NUP107: variants seen among roughly 807,000 people sequenced by gnomAD.
NUP107 encodes the protein nuclear pore complex protein Nup107.
Under a neutral mutation model 141.0 loss-of-function variants are expected in NUP107, and 101 were observed. That is an observed-to-expected ratio of 0.72 (90% CI 0.61 to 0.84). The LOEUF (loss-of-function observed/expected upper bound fraction) is 0.84. NUP107 is among the 40% of genes least tolerant of loss of function. NUP107 has a pLI of 0.00. For synonymous variants in NUP107, 319 were observed against 363.9 expected (o/e 0.88, Z 1.41); for missense variants, 941 against 1,102.7 (o/e 0.85, Z 2.08).
intron 7 of NUP107, among the ~76,000 whole-genome samples, chr12:68,701,142 T>C (rs1221440823): frequency 1.3e-5 from 2 of 152,182 alleles, no homozygotes; most frequent in South Asian, 2.1e-4. Context: ...TTAGACTTCA[T>C]GTAATATGGA....
At chr12:68,741,694 T>C in intron 26 of NUP107, 119 bp from the exon 27 acceptor site, 1 of 794,476 alleles carries the variant, frequency 1.3e-6, no homozygotes, top group Non-Finnish European at 2.0e-6. Context: ...CTTCATACTT[T>C]TTTGCTGTTA....
chr12:68,732,418 G>C lies in NUP107; in HGVS notation c.1999-219G>C, dbSNP rs562537183. On this transcript the variant is annotated intron_variant, in intron 22 of 27. Coordinates refer to ENST00000229179, the MANE Select transcript of NUP107 (RefSeq NM_020401.4). ...CCCAAAGTGCTGGGATTACGGGTGT[G>C]AGCCAGCATGCCCAGCAGTATTTTC... Among the ~76,000 whole-genome samples, 11 of 152,290 alleles carry C rather than the reference G, an allele frequency of 7.2e-5. No homozygotes were observed. The South Asian group carries it at 2.1e-3, about 29-fold the overall frequency.
At chr12:68,700,693 A>G (rs1261776753) in intron 6 of NUP107, 33 bp from the exon 7 acceptor site, 1 of 1,497,042 alleles carries the variant, frequency 6.7e-7, no homozygotes, top group African/African-American at 1.4e-5. Flanking sequence ...ATTGTAGAAA[A>G]TTAACCTCTT....
intron 14 of NUP107, among the ~76,000 whole-genome samples, chr12:68,720,570 A>G (rs966569872): frequency 6.6e-6 from 1 of 152,230 alleles, no homozygotes; most frequent in Non-Finnish European, 1.5e-5. Flanking sequence ...TAGAAACAGA[A>G]GGCAGAGGTG....
intron 1 of NUP107, 159 bp downstream of exon 1, chr12:68,687,232 G>C: frequency 7.6e-6 from 8 of 1,051,152 alleles, no homozygotes; most frequent in Non-Finnish European, 1.1e-5. Context: ...CACAAATGGG[G>C]AAAAAGCCGC....
chr12:68,687,018 T>C lies in NUP107; in HGVS notation c.-48T>C, dbSNP rs761465479. 2.5e-6 allele frequency: 4 copies of C among 1,613,772 alleles called. No homozygotes were observed. Among genetic ancestry groups the C allele is most frequent in the African/African-American group, 1.3e-5 (1 of 74,940 alleles). On this transcript the variant is annotated 5_prime_UTR_variant, in exon 1 of 28. Transcript: ENST00000229179. ...GGAGAGCGGGAAGGCTAAAACGCGG[T>C]AGCTAAACTGCAGCCAACTTTGGTT... is the stretch of plus-strand genomic sequence containing the variant.
intron 8 of NUP107, chr12:68,706,064 TCAA>T (rs780273814): frequency 4.7e-5 from 37 of 789,626 alleles, no homozygotes; most frequent in Non-Finnish European, 8.2e-5. Flanking sequence ...GAGAGCTACA[TCAA>T]CAAACTTCTG....
chr12:68,733,567 A>G lies in NUP107; in HGVS notation c.2217A>G (p.Glu739=). The G allele has an allele frequency of 1.9e-6, 3 of 1,612,790 alleles. No individual in the cohort carries two copies. The highest frequency in any genetic ancestry group is 1.7e-6 in the Non-Finnish European group (2 of 1,179,214). ...GAATGGAAAGTCCACTTCCTGCTGAAGATGATAATGCTATCCGAGAACATT... is the reference window on the plus strand; with the variant it reads ...GAATGGAAAGTCCACTTCCTGCTGAGGATGATAATGCTATCCGAGAACATT... ...EQGMESPLPA[E]DDNAIREHLC... The change falls in exon 24 of 28, where the codon GAA becomes GAG. Residue 739 remains glutamate, a synonymous_variant. Transcript: ENST00000229179.
intron 11 of NUP107, among the ~76,000 whole-genome samples, chr12:68,715,231 C>A (rs908661120): frequency 1.3e-5 from 2 of 152,184 alleles, no homozygotes; most frequent in African/African-American, 4.8e-5. Context: ...CGCAGTGGTT[C>A]ACGCCTGTAA....
rs1218657970 is a variant in NUP107, at chr12:68,743,152, C to T, written c.*690C>T. Reference sequence around the variant, plus strand: ...GTGGCTCACGTCTGTAACCCCAGCACTTCGGGAGGCCGAGGCAGGTGGATC... The same window carrying T: ...GTGGCTCACGTCTGTAACCCCAGCATTTCGGGAGGCCGAGGCAGGTGGATC... On this transcript the variant is annotated 3_prime_UTR_variant, in exon 28 of 28. Transcript: ENST00000229179. 1 of 152,250 alleles carries T rather than the reference C, an allele frequency of 6.6e-6. No homozygotes were observed. Among genetic ancestry groups the T allele is most frequent in the Non-Finnish European group, 1.5e-5 (1 of 68,094 alleles). The allele number at this position is 152,250 out of a possible 1,614,324, so 9.4% of individuals were successfully genotyped here. A position where few individuals can be genotyped will look rare whatever the true frequency, so the allele number is the denominator to read the frequency against.
At chr12:68,690,770 A>C (rs1875746632) in intron 4 of NUP107, 24 bp downstream of exon 4, 2 of 1,612,688 alleles carry the variant, frequency 1.2e-6, no homozygotes, top group African/African-American at 2.7e-5. Flanking sequence ...TAGGGCTAAG[A>C]ACTCCTTTTG....
chr12:68,698,643 G>T (rs1317910939), intron 6 of NUP107, among the ~76,000 whole-genome samples: 1 of 152,294 alleles, frequency 6.6e-6, no homozygotes, highest in South Asian at 2.1e-4. Context: ...AAAAAACATG[G>T]AGGAACCTTA....
At chr12:68,716,366 G>T (rs1305912513) in intron 12 of NUP107, among the ~76,000 whole-genome samples, 6 of 151,426 alleles carry the variant, frequency 4.0e-5, no homozygotes, top group Non-Finnish European at 7.4e-5. Flanking sequence ...GAGTAACTGG[G>T]ACTACAGGTA....
At chr12:68,693,812 T>G (rs1309204250) in intron 5 of NUP107, among the ~76,000 whole-genome samples, 1 of 152,186 alleles carries the variant, frequency 6.6e-6, no homozygotes, top group Non-Finnish European at 1.5e-5. Flanking sequence ...ATATTGTAAT[T>G]TTTTTCTTAT....
At chr12:68,703,590 A>C (rs968207068) in intron 8 of NUP107, among the ~76,000 whole-genome samples, 15 of 151,988 alleles carry the variant, frequency 9.9e-5, no homozygotes, top group South Asian at 4.1e-4. Context: ...AGCTGGGACT[A>C]CAGGCTTGTG....
rs1330000938 is a variant in NUP107 at position 68,697,755 on chromosome 12, C to T, written c.552+833C>T. Among the ~76,000 whole-genome samples, 6 of 152,110 alleles carry T rather than the reference C, an allele frequency of 3.9e-5. No homozygotes were observed. In the South Asian group the frequency reaches 6.2e-4, roughly 16 times the overall value. ...GCATATAAAAAATGCTTTGGCCAGACGTGGTGACTCATGCCTGTAATCCTA... is the reference window on the plus strand; with the variant it reads ...GCATATAAAAAATGCTTTGGCCAGATGTGGTGACTCATGCCTGTAATCCTA... On this transcript the variant is annotated intron_variant, in intron 6 of 27. Transcript: ENST00000229179.
intron 6 of NUP107, among the ~76,000 whole-genome samples, chr12:68,699,760 G>A (rs2546525): frequency 0.22 from 33,139 of 152,078 alleles, 4,226 homozygotes; most frequent in Middle Eastern, 0.3. Flanking sequence ...ATGAGGTACT[G>A]TTAGTAACCT....
chr12:68,745,543 T>C lies in NUP107; in HGVS notation c.*3081T>C, dbSNP rs532397522. ...TGACCTGATCCAAAACATATATATA[T>C]ATTTGTATGCACCCCTAGAGACAGC... On this transcript the variant is annotated 3_prime_UTR_variant, in exon 28 of 28. Coordinates refer to ENST00000229179, the MANE Select transcript of NUP107 (RefSeq NM_020401.4). 1.4e-4 allele frequency: 21 copies of C among 152,200 alleles called. No individual in the cohort carries two copies. The highest frequency in any genetic ancestry group is 1.6e-4 in the Non-Finnish European group (11 of 68,044). 9.4% of individuals were successfully genotyped at this position (152,200 alleles called of 1,614,324 possible). A position where few individuals can be genotyped will look rare whatever the true frequency, so the allele number is the denominator to read the frequency against.
intron 23 of NUP107, 157 bp downstream of exon 23, chr12:68,732,896 G>T: frequency 2.3e-6 from 1 of 440,970 alleles, no homozygotes; most frequent in Non-Finnish European, 4.0e-6. Context: ...TTGCCTAGGC[G>T]GGTCTCGAAC....
Sources: allele counts gnomAD v4.1 joint callset (sites outside exome capture counted in the v4.1 genomes callset), GRCh38; gene constraint gnomAD v4.1.1; transcripts MANE v1.5; gene names NCBI Gene and HGNC (gene_info 2026-07-23, HGNC 2026-07-21).